The following POU2F2 variants were observed in gnomAD, a reference collection of about 807,000 sequenced individuals.
POU2F2 encodes POU domain, class 2, transcription factor 2.
In POU2F2, 14 loss-of-function variants were observed where a neutral mutation model predicts 63.5. The observed-to-expected ratio is 0.22, with a 90% CI of 0.15 to 0.34. The LOEUF is 0.34. POU2F2 is among the 10% of genes least tolerant of loss of function. POU2F2 has a pLI of 1.00. For missense variants in POU2F2, 607 were observed against 815.2 expected (o/e 0.74, Z 3.11); for synonymous variants, 306 against 348.6 (o/e 0.88, Z 1.36).
At chr19:42,128,884 G>A (rs965584503) in intron 1 of POU2F2, among the ~76,000 whole-genome samples, 4 of 151,538 alleles carry the variant, frequency 2.6e-5, no homozygotes, top group Non-Finnish European at 5.9e-5. Context: ...CCAGGCTGGA[G>A]TGCAATGGTA....
At chr19:42,195,326 TTTTC>T (rs2035129625) in intron 1 of POU2F2, among the ~76,000 whole-genome samples, 2 of 146,590 alleles carry the variant, frequency 1.4e-5, no homozygotes, top group Non-Finnish European at 3.0e-5. Flanking sequence ...CCCTCCCTCT[TTTTC>T]TTTTTTTTTT....
upstream of POU2F2, among the ~76,000 whole-genome samples, chr19:42,177,535 A>C (rs1375202996): frequency 6.6e-6 from 1 of 151,624 alleles, no homozygotes; most frequent in Non-Finnish European, 1.5e-5. Flanking sequence ...AGACGGAGAG[A>C]TGCAGACATA....
At chr19:42,110,874 TCA>T (rs2146498666) in intron 5 of POU2F2, 1 of 368,660 alleles carries the variant, frequency 2.7e-6, no homozygotes, top group South Asian at 2.0e-5. Context: ...TCCCAGGGCC[TCA>T]GTTTTCTTAT....
chr19:42,132,568 G>C (rs949590090), upstream of POU2F2: 2 of 583,136 alleles, frequency 3.4e-6, no homozygotes, highest in African/African-American at 2.0e-5. Flanking sequence ...GACCCGCCCC[G>C]GCAGCCCGGC....
rs147859274 is a variant in POU2F2 at position 42,170,125 on chromosome 19, G to T, written c.-70+5838C>A. Among the ~76,000 whole-genome samples the T allele has an allele frequency of 7.2e-5, 11 of 152,218 alleles. No homozygotes were observed. The East Asian group carries it at 2.1e-3, about 29-fold the overall frequency. On this transcript the variant is annotated intron_variant, in intron 1 of 6. Coordinates refer to the POU2F2 transcript ENST00000524801. Reference sequence around the variant, plus strand: ...CACTGTGCTGTGCTGCTGGGTCCCAGCCAGGCTCAGCATGGGTTGTGTGAC... The same window carrying T: ...CACTGTGCTGTGCTGCTGGGTCCCATCCAGGCTCAGCATGGGTTGTGTGAC...
chr19:42,095,693 T>G lies in POU2F2; in HGVS notation c.872A>C (p.Glu291Ala), dbSNP rs1283324262. ...PLLEKWLNDA[E>A]TMSVDSSLPS... ...CAGGCTTGAGTCCACAGACATAGTC[T>G]CTGTGCGCCGGGGGAGACGTGAGCA... The change falls in exon 10 of 15, where the codon GAG becomes GCG. Residue 291 changes from glutamate to alanine, a missense_variant and splice_region_variant. Coordinates refer to ENST00000692977, the MANE Select transcript of POU2F2 (RefSeq NM_001394376.1). The surrounding 1 kb of genome is among the most constrained non-coding windows in gnomAD (Gnocchi z 7.1). 2 of 1,611,728 alleles carry G rather than the reference T, an allele frequency of 1.2e-6. No individual in the cohort carries two copies. Among genetic ancestry groups the G allele is most frequent in the Admixed American group, 1.7e-5 (1 of 60,008 alleles).
At chr19:42,141,711 C>T (rs1234493508) in intron 2 of POU2F2, among the ~76,000 whole-genome samples, 1 of 152,068 alleles carries the variant, frequency 6.6e-6, no homozygotes, top group Non-Finnish European at 1.5e-5. Context: ...AACTCCCAAC[C>T]TCAAGTGATC....
At chr19:42,106,051 C>CTTTCTTCT (rs1555897213) in intron 5 of POU2F2, among the ~76,000 whole-genome samples, 1 of 78,970 alleles carries the variant, frequency 1.3e-5, no homozygotes. Context: ...TTCTTTCTTT[C>CTTTCTTCT]TTCTTTCTTT....
chr19:42,171,267 G>A (rs2034759644), intron 1 of POU2F2, among the ~76,000 whole-genome samples: 1 of 152,174 alleles, frequency 6.6e-6, no homozygotes, highest in Non-Finnish European at 1.5e-5. Flanking sequence ...GTGGTGGGAT[G>A]GCTATAGCTG....
intron 2 of POU2F2, among the ~76,000 whole-genome samples, chr19:42,141,042 A>G (rs1350327093): frequency 6.6e-6 from 1 of 152,174 alleles, no homozygotes; most frequent in Non-Finnish European, 1.5e-5. Flanking sequence ...GCCTCTGCTC[A>G]AATATCCTCT....
At chr19:42,123,646 C>CT (rs2032904233) in intron 1 of POU2F2, among the ~76,000 whole-genome samples, 1 of 152,182 alleles carries the variant, frequency 6.6e-6, no homozygotes, top group Admixed American at 6.5e-5. Flanking sequence ...TGCTGGGCTC[C>CT]TACTTCTAAT....
intron 1 of POU2F2, among the ~76,000 whole-genome samples, chr19:42,193,566 A>G (rs1183937138): frequency 6.6e-6 from 1 of 152,194 alleles, no homozygotes; most frequent in Non-Finnish European, 1.5e-5. Context: ...GAGGGAGTGC[A>G]GTCCTGCTGG....
chr19:42,170,788 C>G (rs1399700916), intron 1 of POU2F2, among the ~76,000 whole-genome samples: 1 of 152,240 alleles, frequency 6.6e-6, no homozygotes, highest in Admixed American at 6.5e-5. Flanking sequence ...GGAAACCCAC[C>G]CTGCTGCAAC....
At chr19:42,143,153 A>G (rs2034162458) in intron 2 of POU2F2, among the ~76,000 whole-genome samples, 1 of 152,130 alleles carries the variant, frequency 6.6e-6, no homozygotes, top group East Asian at 1.9e-4. Context: ...ACTTGAGGCC[A>G]GGAGTTTGAG....
chr19:42,093,936 C>G, intron 11 of POU2F2, 41 bp from the exon 12 acceptor site: 1 of 1,562,150 alleles, frequency 6.4e-7, no homozygotes, highest in East Asian at 2.3e-5. Context: ...CCACTGTCTG[C>G]CAGCAGCCCC....
Position 42,099,404 on chromosome 19 carries a change from A to G in POU2F2, c.567+123T>C, listed in dbSNP as rs566858622. The G allele has an allele frequency of 1.4e-5, 12 of 852,614 alleles. No individual in the cohort carries two copies. The East Asian group carries it at 3.2e-4, about 23-fold the overall frequency. 52.8% of individuals were successfully genotyped at this position (852,614 alleles called of 1,614,324 possible). ...CTTGCCTGAGGTCTCACAGCAAATC[A>G]CTGGCAGAGTGTGGCTGGGTCAAAT... On this transcript the variant is annotated intron_variant, in intron 7 of 14. Coordinates refer to ENST00000692977, the MANE Select transcript of POU2F2 (RefSeq NM_001394376.1).
At chr19:42,091,628 C>T in intron 14 of POU2F2, 37 bp from the exon 15 acceptor site, 2 of 1,540,620 alleles carry the variant, frequency 1.3e-6, no homozygotes, top group East Asian at 2.4e-5. Context: ...TAAGGGCATG[C>T]CGGGCCAGGG....
At chr19:42,176,319 T>C (rs2034878959), upstream of POU2F2, among the ~76,000 whole-genome samples, 1 of 152,220 alleles carries the variant, frequency 6.6e-6, no homozygotes. Flanking sequence ...CATCGTCTTT[T>C]TATTGGTATT....
At chr19:42,190,186 G>A (rs2035060621) in intron 1 of POU2F2, among the ~76,000 whole-genome samples, 1 of 152,126 alleles carries the variant, frequency 6.6e-6, no homozygotes, top group Non-Finnish European at 1.5e-5. Context: ...CAATACACAG[G>A]TGGAGAGGAG....
Sources: allele counts gnomAD v4.1 joint callset (sites outside exome capture counted in the v4.1 genomes callset), GRCh38; gene constraint gnomAD v4.1.1; non-coding constraint Gnocchi (gnomAD v3.1); transcripts MANE v1.5; gene names NCBI Gene and HGNC (gene_info 2026-07-23, HGNC 2026-07-21).